Variants in CROCC observed in about 807,000 individuals in gnomAD.
CROCC encodes the protein rootletin.
In CROCC, 180 loss-of-function variants were observed where a neutral mutation model predicts 245.2. The observed-to-expected ratio is 0.73, with a 90% CI of 0.65 to 0.83. The LOEUF (loss-of-function observed/expected upper bound fraction) is 0.83, where lower values mean the gene tolerates loss of function less well. Ranked by LOEUF, CROCC falls within the 40% of genes least tolerant of loss-of-function variation. CROCC has a pLI of 0.00. For synonymous variants in CROCC, 1,205 were observed against 1,241.6 expected (o/e 0.97, Z 0.62); for missense variants, 2,688 against 2,779.4 (o/e 0.97, Z 0.74).
chr1:16,953,625 G>T (rs148783261), intron 21 of CROCC, 144 bp downstream of exon 21: 133,773 of 725,436 alleles, frequency 0.18, 13,602 homozygotes, highest in African/African-American at 0.32. Context: ...CTGCAGGAGG[G>T]GAGGATTAGA....
upstream of CROCC, among the ~76,000 whole-genome samples, chr1:16,918,827 C>A (rs1473489857): frequency 2.0e-5 from 3 of 151,748 alleles, no homozygotes; most frequent in East Asian, 3.9e-4. Context: ...ACCTCTGCCT[C>A]CCAGTTTCAA....
intron 30 of CROCC, 63 bp from the exon 31 acceptor site, chr1:16,968,140 G>A: frequency 6.7e-7 from 1 of 1,494,506 alleles, no homozygotes; most frequent in East Asian, 2.5e-5. Flanking sequence ...GGGCCCCAGG[G>A]CGTGTGCGGG....
At chr1:16,925,644 G>A (rs1213639263) in intron 3 of CROCC, among the ~76,000 whole-genome samples, 1 of 152,288 alleles carries the variant, frequency 6.6e-6, no homozygotes, top group East Asian at 1.9e-4. Flanking sequence ...GTTGGCATGG[G>A]ACCCCTGAGC....
In CROCC at chr1:16,938,914, C is replaced by G. The variant is rs2075852227; in HGVS notation, c.1380C>G (p.Val460=). The change falls in exon 12 of 37, where the codon GTC becomes GTG. Residue 460 remains valine (V), a synonymous_variant. Transcript: ENST00000375541. ...QQTLRDLAQA[V]LSDSESGVQL... is the part of the protein sequence containing the mutation. ...CCTCCCTCCCCCACCCTCAGGCCGT[C>G]TTGTCAGACTCTGAGAGCGGCGTCC... The G allele has an allele frequency of 3.1e-6, 5 of 1,603,752 alleles. No homozygotes were observed. Among genetic ancestry groups the G allele is most frequent in the Non-Finnish European group, 4.2e-6 (5 of 1,177,160 alleles).
Position 16,970,298 on chromosome 1 carries a change from G to C in CROCC, c.5497G>C (p.Val1833Leu). The C allele has an allele frequency of 6.3e-7, 1 of 1,584,054 alleles. No individual in the cohort carries two copies. Among genetic ancestry groups the C allele is most frequent in the Non-Finnish European group, 8.6e-7 (1 of 1,166,486 alleles). ...GGGTGAGGCTGCAGCCCTGAACACC[G>C]TCCAGAAGCTGCAAGACGAGCGGCG... ...QEGEAAALNTVQKLQDERRLL... is the reference protein window; with the variant it reads ...QEGEAAALNTLQKLQDERRLL... The change falls in exon 34 of 37, where the codon GTC becomes CTC. Residue 1833 changes from valine to leucine, a missense_variant. By Grantham distance (32) the Val-to-Leu change is conservative (BLOSUM62 1). Coordinates refer to ENST00000375541, the MANE Select transcript of CROCC (RefSeq NM_014675.5).
At chr1:16,931,489 G>A (rs1321036037) in intron 8 of CROCC, 92 bp downstream of exon 8, 28 of 1,239,078 alleles carry the variant, frequency 2.3e-5, no homozygotes, top group Non-Finnish European at 2.9e-5. Context: ...TCAACTCAAC[G>A]CACTTACTGT....
In CROCC at chr1:16,948,523, C is replaced by A. The variant is rs114863724; in HGVS notation, c.2707C>A (p.Arg903Ser). 65,867 of 1,523,392 alleles carry A rather than the reference C, an allele frequency of 0.043. No individual in the cohort carries two copies. Among genetic ancestry groups the A allele is most frequent in the Middle Eastern group, 0.063 (273 of 4,358 alleles). 94.4% of individuals were successfully genotyped at this position (1,523,392 alleles called of 1,614,324 possible). A position where few individuals can be genotyped will look rare whatever the true frequency, so the allele number is the denominator to read the frequency against. The change falls in exon 18 of 37, where the codon CGC (arginine) becomes AGC (serine). Residue 903 changes from arginine (R) to serine (S), a missense_variant and splice_region_variant. Physicochemically the swap from Arg to Ser is moderately radical, Grantham distance 110. Coordinates refer to ENST00000375541, the MANE Select transcript of CROCC (RefSeq NM_014675.5). ...CCTGTCAGAGGAGGCCACACGCCTG[C>A]GGTAAGGCCTTGGGCTCTGCCCAAC... ...RTLSEEATRLRLEKEALEGSL... is the reference protein window; with the variant it reads ...RTLSEEATRLSLEKEALEGSL...
intron 1 of CROCC, among the ~76,000 whole-genome samples, chr1:16,915,109 A>G (rs1302022740): frequency 1.3e-5 from 2 of 152,186 alleles, no homozygotes; most frequent in East Asian, 1.9e-4. Context: ...TTTCCACCCA[A>G]GTGGCCCCTG....
At chr1:16,946,676 T>C in intron 16 of CROCC, 85 bp from the exon 17 acceptor site, 6 of 1,383,750 alleles carry the variant, frequency 4.3e-6, no homozygotes, top group South Asian at 1.3e-5. Context: ...CCTGGGCTAT[T>C]GTTGCTGGTG....
chr1:16,972,740 T>C lies in CROCC; in HGVS notation c.*294T>C. On this transcript the variant is annotated 3_prime_UTR_variant, in exon 37 of 37. Coordinates refer to ENST00000375541, the MANE Select transcript of CROCC (RefSeq NM_014675.5). The stretch of plus-strand genomic sequence containing the variant: ...GATTGGGGAGAGCCCTTGTCTCTGG[T>C]CAGCCCTGGAGCATGGGATCGTGGG... 1 of 257,550 alleles carries C rather than the reference T, an allele frequency of 3.9e-6. No individual in the cohort carries two copies. Among genetic ancestry groups the C allele is most frequent in the Non-Finnish European group, 7.3e-6 (1 of 136,242 alleles). 16.0% of individuals were successfully genotyped at this position (257,550 alleles called of 1,614,324 possible).
chr1:16,928,602 G>T (rs1392363295), intron 3 of CROCC, among the ~76,000 whole-genome samples: 1 of 152,036 alleles, frequency 6.6e-6, no homozygotes, highest in Non-Finnish European at 1.5e-5. Flanking sequence ...AGGAGTTCGA[G>T]ACCAGCCTGG....
rs2076249847 is a variant in CROCC, at chr1:16,956,278, C to T, written c.3864+122C>T. The T allele has an allele frequency of 4.8e-6, 5 of 1,047,400 alleles. No individual in the cohort carries two copies. The South Asian group carries it at 8.4e-5, about 18-fold the overall frequency. 64.9% of individuals were successfully genotyped at this position (1,047,400 alleles called of 1,614,324 possible). On this transcript the variant is annotated intron_variant, in intron 25 of 36. Coordinates refer to ENST00000375541, the MANE Select transcript of CROCC (RefSeq NM_014675.5). ...ACCAGGGGCTTGAACTATGACAAGCCCTCTCACCTAACCTTGGTGTGAATG... is the reference window on the plus strand; with the variant it reads ...ACCAGGGGCTTGAACTATGACAAGCTCTCTCACCTAACCTTGGTGTGAATG...
At chr1:16,922,420 G>A (rs1227993938) in intron 1 of CROCC, among the ~76,000 whole-genome samples, 1 of 152,276 alleles carries the variant, frequency 6.6e-6, no homozygotes, top group African/African-American at 2.4e-5. Flanking sequence ...CTCCAGTGGG[G>A]TTTGGGAGTT....
intron 18 of CROCC, 126 bp downstream of exon 18, chr1:16,948,650 A>G (rs2076104443): frequency 6.6e-7 from 1 of 1,507,582 alleles, no homozygotes; most frequent in Non-Finnish European, 8.8e-7. Context: ...GACTCGTCCT[A>G]GCTGTGGCTC....
At chr1:16,926,396 G>T (rs565707923) in intron 3 of CROCC, among the ~76,000 whole-genome samples, 2 of 152,362 alleles carry the variant, frequency 1.3e-5, no homozygotes, top group Non-Finnish European at 2.9e-5. Context: ...TCTGCAGTTG[G>T]GCAACATTCT....
intron 25 of CROCC, among the ~76,000 whole-genome samples, chr1:16,956,747 T>C (rs2076255596): frequency 6.6e-6 from 1 of 152,090 alleles, no homozygotes; most frequent in Non-Finnish European, 1.5e-5. Context: ...AAAAAAATCC[T>C]TAACTCAGAC....
At chr1:16,955,581 T>A (rs748831415) in intron 24 of CROCC, 31 bp downstream of exon 24, 11 of 1,465,662 alleles carry the variant, frequency 7.5e-6, no homozygotes, top group Non-Finnish European at 9.9e-6. Flanking sequence ...CAGTCCTGAG[T>A]CCTCATGGGA....
chr1:16,924,233 A>T (rs1319475073), intron 2 of CROCC, 92 bp from the exon 3 acceptor site: 1 of 1,497,638 alleles, frequency 6.7e-7, no homozygotes, highest in African/African-American at 1.4e-5. Context: ...GACTCCTCCC[A>T]GGGGCCTGGA....
Position 16,936,884 on chromosome 1 carries a change from G to T in CROCC, c.1193+11G>T. 1 of 1,604,436 alleles carries T rather than the reference G, an allele frequency of 6.2e-7. No individual in the cohort carries two copies. Among genetic ancestry groups the T allele is most frequent in the South Asian group, 1.1e-5 (1 of 90,436 alleles). On this transcript the variant is annotated intron_variant, in intron 9 of 36. Transcript: ENST00000375541. Reference sequence around the variant, plus strand: ...TGACCTCAGTGCCAGGTGGGTACCTGGTGGATGCCGCACGAGGCAGGCGTC... The same window carrying T: ...TGACCTCAGTGCCAGGTGGGTACCTTGTGGATGCCGCACGAGGCAGGCGTC...
Sources: gnomAD v4.1 joint callset for allele counts (sites outside exome capture counted in the v4.1 genomes callset) on GRCh38, gnomAD v4.1.1 for gene constraint, MANE v1.5 for transcripts, NCBI Gene and HGNC (gene_info 2026-07-23, HGNC 2026-07-21) for gene names.